The following CTNNA3 variants were observed in gnomAD, a reference collection of about 807,000 sequenced individuals.
The protein encoded by CTNNA3 is catenin alpha-3.
A neutral mutation model predicts 95.7 loss-of-function variants in CTNNA3; 76 were observed. The ratio of observed to expected loss-of-function variants is 0.79; its 90% CI spans 0.66 to 0.96. The LOEUF (loss-of-function observed/expected upper bound fraction) is 0.96, where lower values mean the gene tolerates loss of function less well. CTNNA3 is among the 40% of genes least tolerant of loss of function. The probability of loss-of-function intolerance (pLI) is 0.00; values close to 1 mark genes in which losing one functional copy is unlikely to be tolerated. For synonymous variants in CTNNA3, 431 were observed against 374.4 expected (o/e 1.15, Z -1.74); for missense variants, 1,191 against 1,089.8 (o/e 1.09, Z -1.31).
intron 13 of CTNNA3, among the ~76,000 whole-genome samples, chr10:66,223,723 T>C (rs1285344434): frequency 2.0e-5 from 3 of 152,216 alleles, no homozygotes; most frequent in African/African-American, 7.2e-5. Context: ...GGTATGACCA[T>C]TAATTTTATG....
intron 15 of CTNNA3, among the ~76,000 whole-genome samples, chr10:65,990,941 T>C (rs1404162148): frequency 1.3e-5 from 2 of 152,092 alleles, no homozygotes; most frequent in Non-Finnish European, 2.9e-5. Flanking sequence ...TTTTTGTATA[T>C]GGTGAGAGAT....
intron 7 of CTNNA3, among the ~76,000 whole-genome samples, chr10:67,085,257 T>C (rs968565779): frequency 1.3e-5 from 2 of 151,952 alleles, no homozygotes; most frequent in Admixed American, 6.6e-5. Flanking sequence ...TATATGTGGC[T>C]GATCACATAA....
At chr10:66,396,356 A>T (rs10997103) in intron 11 of CTNNA3, among the ~76,000 whole-genome samples, 21,540 of 151,982 alleles carry the variant, frequency 0.14, 1,656 homozygotes, top group East Asian at 0.26. Context: ...TAATACATGG[A>T]ATGTAATCAG....
intron 6 of CTNNA3, among the ~76,000 whole-genome samples, chr10:67,206,206 T>C (rs1316193375): frequency 1.3e-5 from 2 of 152,174 alleles, no homozygotes; most frequent in Non-Finnish European, 1.5e-5. Flanking sequence ...TACTGTCAAG[T>C]CCTCTTACTT....
intron 9 of CTNNA3, among the ~76,000 whole-genome samples, chr10:66,656,237 A>T (rs143970570): frequency 5.9e-5 from 9 of 152,134 alleles, no homozygotes; most frequent in African/African-American, 1.9e-4. Flanking sequence ...GAATTAGATA[A>T]TTGAGGATAT....
chr10:66,805,508 C>T (rs1383969471), intron 7 of CTNNA3, among the ~76,000 whole-genome samples: 1 of 147,486 alleles, frequency 6.8e-6, no homozygotes, highest in Non-Finnish European at 1.5e-5. Context: ...TATATTTATA[C>T]ATATATATAT....
chr10:67,033,176 A>G (rs1287123295), intron 7 of CTNNA3, among the ~76,000 whole-genome samples: 1 of 152,194 alleles, frequency 6.6e-6, no homozygotes, highest in East Asian at 1.9e-4. Context: ...CAAATATATG[A>G]TCTTCAAGTC....
At chr10:67,123,399 C>A (rs1859562577) in intron 7 of CTNNA3, among the ~76,000 whole-genome samples, 1 of 152,114 alleles carries the variant, frequency 6.6e-6, no homozygotes, top group African/African-American at 2.4e-5. Flanking sequence ...TGCATAGCTA[C>A]AAAAATAGCA....
chr10:66,724,025 G>A (rs12780649), intron 9 of CTNNA3, among the ~76,000 whole-genome samples: 4,318 of 152,116 alleles, frequency 0.028, 187 homozygotes, highest in East Asian at 0.22. Context: ...ATTAATCGAT[G>A]TAAATCTGCT....
chr10:67,212,317 T>A (rs1864172306), intron 6 of CTNNA3, among the ~76,000 whole-genome samples: 1 of 151,990 alleles, frequency 6.6e-6, no homozygotes, highest in African/African-American at 2.4e-5. Context: ...ATTGCATAAA[T>A]CATTCTCTTC....
intron 11 of CTNNA3, among the ~76,000 whole-genome samples, chr10:66,468,850 T>C (rs990434760): frequency 2.6e-5 from 4 of 152,104 alleles, no homozygotes; most frequent in African/African-American, 9.6e-5. Context: ...ATTTTTTCAA[T>C]AGTTTTATAT....
chr10:67,068,102 C>G (rs1340949956), intron 7 of CTNNA3, among the ~76,000 whole-genome samples: 1 of 152,034 alleles, frequency 6.6e-6, no homozygotes, highest in African/African-American at 2.4e-5. Flanking sequence ...AATTAGAAGA[C>G]AAATCTTTTT....
intron 9 of CTNNA3, among the ~76,000 whole-genome samples, chr10:66,724,571 A>G (rs10997366): frequency 0.39 from 59,028 of 152,050 alleles, 11,892 homozygotes; most frequent in Non-Finnish European, 0.43. Context: ...GCACACACCA[A>G]TTGACAGTGA....
chr10:66,397,962 A>T (rs1294599559), intron 11 of CTNNA3, among the ~76,000 whole-genome samples: 1 of 151,902 alleles, frequency 6.6e-6, no homozygotes, highest in Non-Finnish European at 1.5e-5. Flanking sequence ...GTATATGTTT[A>T]ATAGGCATTG....
chr10:66,526,681 T>C (rs1351145718), intron 10 of CTNNA3, among the ~76,000 whole-genome samples: 2 of 152,178 alleles, frequency 1.3e-5, no homozygotes, highest in Non-Finnish European at 2.9e-5. Flanking sequence ...GAGGTTATGT[T>C]TGCATTTCCC....
At chr10:66,169,227 C>A (rs1439465525) in intron 13 of CTNNA3, among the ~76,000 whole-genome samples, 1 of 152,094 alleles carries the variant, frequency 6.6e-6, no homozygotes, top group Non-Finnish European at 1.5e-5. Flanking sequence ...CATTCTTATG[C>A]CTTTGCATCC....
At chr10:66,629,621 G>C (rs573390549) in intron 9 of CTNNA3, among the ~76,000 whole-genome samples, 4 of 151,958 alleles carry the variant, frequency 2.6e-5, no homozygotes, top group African/African-American at 9.7e-5. Context: ...ATGCAAATTT[G>C]GTTCCCCCAT....
chr10:66,762,196 C>T (rs971131396), intron 9 of CTNNA3, among the ~76,000 whole-genome samples: 1 of 152,072 alleles, frequency 6.6e-6, no homozygotes, highest in African/African-American at 2.4e-5. Context: ...GTAGAGATAA[C>T]GGTGCCCTAA....
chr10:66,206,706 T>C (rs1589729507), intron 13 of CTNNA3, among the ~76,000 whole-genome samples: 1 of 152,076 alleles, frequency 6.6e-6, no homozygotes, highest in Middle Eastern at 3.4e-3. Context: ...GAAGATTTTG[T>C]CATTAAACTG....
Sources: gnomAD v4.1 joint callset for allele counts (sites outside exome capture counted in the v4.1 genomes callset) on GRCh38, gnomAD v4.1.1 for gene constraint, MANE v1.5 for transcripts, NCBI Gene and HGNC (gene_info 2026-07-23, HGNC 2026-07-21) for gene names.